Variants in DMRT1 observed in about 807,000 individuals in gnomAD.
The protein encoded by DMRT1 is doublesex and mab-3 related transcription factor 1.
Under a neutral mutation model 32.3 loss-of-function variants are expected in DMRT1, and 7 were observed. The observed-to-expected ratio is 0.22, with a 90% CI of 0.12 to 0.41. The LOEUF (loss-of-function observed/expected upper bound fraction) is 0.41, where lower values mean the gene tolerates loss of function less well. DMRT1 is among the 10% of genes least tolerant of loss of function. DMRT1 has a pLI of 1.00. For missense variants in DMRT1, 625 were observed against 500.5 expected, an observed-to-expected ratio of 1.25 and a Z score of -2.37; for synonymous variants, 278 against 206.1, an observed-to-expected ratio of 1.35 and a Z score of -2.99.
At chr9:925,689 T>A (rs1372949816) in intron 4 of DMRT1, among the ~76,000 whole-genome samples, 1 of 152,236 alleles carries the variant, frequency 6.6e-6, no homozygotes, top group African/African-American at 2.4e-5. Flanking sequence ...CAAACACACG[T>A]GCAGCTCCTC....
At chr9:957,950 C>A (rs420062) in intron 4 of DMRT1, among the ~76,000 whole-genome samples, 134,920 of 152,190 alleles carry the variant, frequency 0.89, 60,098 homozygotes, top group East Asian at 1. Flanking sequence ...CGGAGGTTGC[C>A]CCGATTGGAG....
At chr9:907,003 A>G (rs1817800059) in intron 3 of DMRT1, among the ~76,000 whole-genome samples, 1 of 152,166 alleles carries the variant, frequency 6.6e-6, no homozygotes, top group African/African-American at 2.4e-5. Flanking sequence ...TTATTTCTCA[A>G]TAGATGCTCA....
At chr9:885,525 C>T (rs1816893018) in intron 2 of DMRT1, among the ~76,000 whole-genome samples, 1 of 152,190 alleles carries the variant, frequency 6.6e-6, no homozygotes, top group Non-Finnish European at 1.5e-5. Flanking sequence ...GGCCTAGGCC[C>T]ATCAATGACC....
At chr9:851,041 AAAAAG>A (rs1839126258) in intron 2 of DMRT1, among the ~76,000 whole-genome samples, 1 of 51,070 alleles carries the variant, frequency 2.0e-5, no homozygotes. Flanking sequence ...AAAAAAAAAA[AAAAAG>A]AAAGAAAAAT....
At position 946,135 on chromosome 9, in the gene DMRT1, C is replaced by CTT. The variant is rs1174891518; in HGVS notation, c.968-21839_968-21838dup. Among the ~76,000 whole-genome samples the CTT allele has an allele frequency of 7.5e-3, 1,071 of 143,480 alleles. 10 individuals are homozygous for CTT. The highest frequency in any genetic ancestry group is 0.026 in the African/African-American group (1,019 of 39,362). 94.1% of individuals were successfully genotyped at this position (143,480 alleles called of 152,430 possible). On this transcript the variant is annotated intron_variant, in intron 4 of 4. Coordinates refer to ENST00000382276, the MANE Select transcript of DMRT1 (RefSeq NM_021951.3). Reference sequence around the variant, plus strand: ...GCAGTCATGTTATTTTTCTTTCTTTCTTTTTTTTTTTTGATGTGACAAACA... The same window carrying CTT: ...GCAGTCATGTTATTTTTCTTTCTTTCTTTTTTTTTTTTTTGATGTGACAAACA...
intron 2 of DMRT1, among the ~76,000 whole-genome samples, chr9:884,256 C>T (rs537090627): frequency 6.6e-6 from 1 of 151,810 alleles, no homozygotes; most frequent in Non-Finnish European, 1.5e-5. Context: ...ATTAATATGT[C>T]ATGGGCCCAG....
chr9:877,387 A>G (rs1816548296), intron 2 of DMRT1, among the ~76,000 whole-genome samples: 1 of 152,214 alleles, frequency 6.6e-6, no homozygotes, highest in Non-Finnish European at 1.5e-5. Flanking sequence ...GAGGAGACAA[A>G]GAAATGCCAG....
chr9:960,354 C>G (rs1231562028), intron 4 of DMRT1, among the ~76,000 whole-genome samples: 31 of 152,116 alleles, frequency 2.0e-4, no homozygotes, highest in Admixed American at 2.0e-3. Context: ...ACTTTTTTTC[C>G]TTTCTCAACC....
Position 965,900 on chromosome 9 carries a change from A to G in DMRT1, c.968-2085A>G, listed in dbSNP as rs1226276585. On this transcript the variant is annotated intron_variant, in intron 4 of 4. Coordinates refer to ENST00000382276, the MANE Select transcript of DMRT1 (RefSeq NM_021951.3). The surrounding 1 kb of genome is among the most constrained non-coding windows in gnomAD (Gnocchi z 4.5). Reference sequence around the variant, plus strand: ...ACGGGGAGAGTAATTCTCTCAGTGAATGGTTTGAGGGTGAAATACCTCACT... The same window carrying G: ...ACGGGGAGAGTAATTCTCTCAGTGAGTGGTTTGAGGGTGAAATACCTCACT... 1.3e-5 allele frequency among the ~76,000 whole-genome samples: 2 copies of G among 152,172 alleles called. No homozygotes were observed. The highest frequency in any genetic ancestry group is 2.9e-5 in the Non-Finnish European group (2 of 68,036).
intron 4 of DMRT1, among the ~76,000 whole-genome samples, chr9:967,239 C>CTG: frequency 6.6e-6 from 1 of 152,324 alleles, no homozygotes; most frequent in South Asian, 2.1e-4. Context: ...TTTTTATCTA[C>CTG]TGTGGCTGCT....
intron 3 of DMRT1, among the ~76,000 whole-genome samples, chr9:909,920 C>A (rs1234968096): frequency 6.6e-6 from 1 of 152,104 alleles, no homozygotes; most frequent in Admixed American, 6.6e-5. Flanking sequence ...CACCATGTTG[C>A]CCAGACTGTT....
chr9:863,122 C>T (rs893496355), intron 2 of DMRT1, among the ~76,000 whole-genome samples: 2 of 131,248 alleles, frequency 1.5e-5, no homozygotes, highest in Admixed American at 9.5e-5. Context: ...TGGGACCAGC[C>T]TGGGCAACAG....
intron 2 of DMRT1, among the ~76,000 whole-genome samples, chr9:854,834 C>T (rs1274378087): frequency 2.7e-5 from 4 of 148,602 alleles, no homozygotes; most frequent in Non-Finnish European, 4.5e-5. Context: ...GGCATAATCT[C>T]GGCTCACTGC....
chr9:844,621 A>C (rs1363562889), intron 1 of DMRT1, among the ~76,000 whole-genome samples: 1 of 151,802 alleles, frequency 6.6e-6, no homozygotes, highest in Non-Finnish European at 1.5e-5. Flanking sequence ...TTTTTTGGCT[A>C]TGAGGAAAAT....
intron 3 of DMRT1, among the ~76,000 whole-genome samples, chr9:913,597 ATTT>A (rs113724447): frequency 6.8e-6 from 1 of 146,694 alleles, no homozygotes; most frequent in Admixed American, 6.9e-5. Flanking sequence ...GCAACTGGTA[ATTT>A]TTTTTTTTTT....
At chr9:895,676 ATG>A (rs1262613409) in intron 3 of DMRT1, among the ~76,000 whole-genome samples, 1 of 151,856 alleles carries the variant, frequency 6.6e-6, no homozygotes, top group Non-Finnish European at 1.5e-5. Context: ...TACCATTTTT[ATG>A]TGTGTGGTTG....
rs34006231 is a variant in DMRT1 at position 901,911 on chromosome 9, C to CTT, written c.822+7734_822+7735dup. Among the ~76,000 whole-genome samples the CTT allele has an allele frequency of 7.6e-3, 871 of 114,290 alleles. 30 individuals carry two copies. Among genetic ancestry groups the CTT allele is most frequent in the African/African-American group, 0.023 (695 of 30,150 alleles). The allele number at this position is 114,290 out of a possible 152,430, so 75.0% of individuals were successfully genotyped here. A position where few individuals can be genotyped will look rare whatever the true frequency, so the allele number is the denominator to read the frequency against. On this transcript the variant is annotated intron_variant, in intron 3 of 4. Transcript: ENST00000382276. ...ACACCATCAGCAAGTGAAACTAGCC[C>CTT]TTTTTTTTTTTTTTTTTTTGAGACA...
At chr9:865,618 C>T (rs1815947822) in intron 2 of DMRT1, among the ~76,000 whole-genome samples, 1 of 151,986 alleles carries the variant, frequency 6.6e-6, no homozygotes, top group East Asian at 1.9e-4. Flanking sequence ...CAAGTTTTTG[C>T]AAAAATGAAG....
At chr9:941,570 T>C (rs7853048) in intron 4 of DMRT1, among the ~76,000 whole-genome samples, 38,757 of 151,950 alleles carry the variant, frequency 0.26, 7,068 homozygotes, top group African/African-American at 0.52. Context: ...TTTTTGGGTA[T>C]AGAGTTACAG....
Sources: allele counts gnomAD v4.1 joint callset (sites outside exome capture counted in the v4.1 genomes callset), GRCh38; gene constraint gnomAD v4.1.1; non-coding constraint Gnocchi (gnomAD v3.1); transcripts MANE v1.5; gene names NCBI Gene and HGNC (gene_info 2026-07-23, HGNC 2026-07-21).